The following ATP8A2 variants were observed in gnomAD, a reference collection of about 807,000 sequenced individuals.
The protein encoded by ATP8A2 is phospholipid-transporting ATPase IB.
Under a neutral mutation model 165.6 loss-of-function variants are expected in ATP8A2, and 100 were observed. The ratio of observed to expected loss-of-function variants is 0.60; its 90% CI spans 0.51 to 0.71. The LOEUF (loss-of-function observed/expected upper bound fraction) is 0.71, where lower values mean the gene tolerates loss of function less well. Among genes scored for constraint, ATP8A2 ranks in the 30% least tolerant of loss-of-function variants. The pLI is 0.00. For missense variants in ATP8A2, 1,227 were observed against 1,479.5 expected (o/e 0.83, Z 2.80); for synonymous variants, 543 against 548.8 (o/e 0.99, Z 0.15).
chr13:25,669,578 G>A (rs1328304362), intron 24 of ATP8A2, among the ~76,000 whole-genome samples: 1 of 152,114 alleles, frequency 6.6e-6, no homozygotes, highest in African/African-American at 2.4e-5. Context: ...GGCAGTCCTA[G>A]GCATGGATTT....
chr13:25,538,237 A>G (rs1224898574), intron 7 of ATP8A2, among the ~76,000 whole-genome samples, 176 bp downstream of exon 7: 2 of 151,930 alleles, frequency 1.3e-5, no homozygotes, highest in East Asian at 3.9e-4. Context: ...TCTTTCTCAC[A>G]TTCATTCCTT....
chr13:25,626,762 G>A (rs929690451), intron 24 of ATP8A2, among the ~76,000 whole-genome samples: 1 of 152,134 alleles, frequency 6.6e-6, no homozygotes, highest in African/African-American at 2.4e-5. Context: ...TAAAGAAAAA[G>A]AGGTTTAATG....
chr13:25,541,827 A>G, intron 8 of ATP8A2, 92 bp from the exon 9 acceptor site: 2 of 1,408,364 alleles, frequency 1.4e-6, no homozygotes, highest in East Asian at 2.3e-5. Flanking sequence ...GAGATGCCTT[A>G]TTTTTCCTTT....
At chr13:25,569,659 C>A (rs2039410803) in intron 16 of ATP8A2, among the ~76,000 whole-genome samples, 1 of 152,132 alleles carries the variant, frequency 6.6e-6, no homozygotes, top group Non-Finnish European at 1.5e-5. Context: ...GGGAAAACTT[C>A]TCATTTGTGG....
intron 27 of ATP8A2, among the ~76,000 whole-genome samples, chr13:25,791,373 G>A (rs2045167443): frequency 1.3e-5 from 2 of 152,246 alleles, no homozygotes; most frequent in South Asian, 4.2e-4. Context: ...ACACACTGGG[G>A]CCTATTGGAG....
intron 33 of ATP8A2, among the ~76,000 whole-genome samples, chr13:25,904,220 A>G (rs927293272): frequency 5.9e-5 from 9 of 152,172 alleles, no homozygotes; most frequent in Admixed American, 5.2e-4. Flanking sequence ...TGGATTCGTG[A>G]TGCTCAACCT....
intron 25 of ATP8A2, among the ~76,000 whole-genome samples, chr13:25,755,118 T>A (rs2044233574): frequency 6.6e-6 from 1 of 152,214 alleles, no homozygotes; most frequent in Admixed American, 6.5e-5. Flanking sequence ...GACAGTTGCA[T>A]GTATTCGTAT....
intron 25 of ATP8A2, among the ~76,000 whole-genome samples, chr13:25,730,996 C>T (rs1037835045): frequency 7.3e-5 from 11 of 151,636 alleles, no homozygotes; most frequent in African/African-American, 1.2e-4. Context: ...ATCACTTGAA[C>T]CTGGGTTGTT....
chr13:25,977,359 G>A (rs1284915641), intron 35 of ATP8A2, among the ~76,000 whole-genome samples: 4 of 152,158 alleles, frequency 2.6e-5, no homozygotes, highest in Admixed American at 6.5e-5. Context: ...TAAAGCTCTC[G>A]CCTTGCTGAC....
At chr13:25,817,822 C>A (rs1566169761) in intron 27 of ATP8A2, among the ~76,000 whole-genome samples, 1 of 152,078 alleles carries the variant, frequency 6.6e-6, no homozygotes, top group Non-Finnish European at 1.5e-5. Flanking sequence ...GGACTACAGG[C>A]ATGTGCCACC....
intron 1 of ATP8A2, among the ~76,000 whole-genome samples, chr13:25,400,721 A>C (rs1435449889): frequency 6.6e-6 from 1 of 152,200 alleles, no homozygotes; most frequent in African/African-American, 2.4e-5. Flanking sequence ...ATGAGGTCAC[A>C]CCAGTGAACA....
intron 2 of ATP8A2, among the ~76,000 whole-genome samples, chr13:25,487,704 A>G (rs1354328730): frequency 6.6e-6 from 1 of 152,248 alleles, no homozygotes; most frequent in Non-Finnish European, 1.5e-5. Context: ...AATGTGTTTC[A>G]GGAACAAACT....
intron 23 of ATP8A2, among the ~76,000 whole-genome samples, chr13:25,584,985 A>AAT (rs1487066111): frequency 2.0e-5 from 3 of 152,082 alleles, no homozygotes; most frequent in Non-Finnish European, 4.4e-5. Context: ...GGTTTTTTAA[A>AAT]ATATATATAT....
chr13:25,583,792 AC>A (rs1286016733), intron 23 of ATP8A2, among the ~76,000 whole-genome samples: 9 of 152,224 alleles, frequency 5.9e-5, no homozygotes, highest in African/African-American at 2.2e-4. Flanking sequence ...ACCTGTCCAA[AC>A]AATTTTTTAA....
chr13:25,799,901 C>G (rs895103711), intron 27 of ATP8A2, among the ~76,000 whole-genome samples: 2 of 152,218 alleles, frequency 1.3e-5, no homozygotes, highest in African/African-American at 4.8e-5. Flanking sequence ...ATAGAGCACT[C>G]AGATCTTCAG....
intron 24 of ATP8A2, among the ~76,000 whole-genome samples, chr13:25,594,200 C>G (rs959950417): frequency 3.9e-5 from 6 of 152,118 alleles, no homozygotes; most frequent in African/African-American, 1.4e-4. Flanking sequence ...ATGTAGTAAT[C>G]TAATCATTTA....
chr13:25,891,780 T>G (rs559131641), intron 33 of ATP8A2, among the ~76,000 whole-genome samples: 13 of 152,246 alleles, frequency 8.5e-5, no homozygotes, highest in African/African-American at 2.6e-4. Context: ...ACCAGGGATG[T>G]CCAAACTGTC....
At chr13:25,706,320 C>G (rs1172694352) in intron 25 of ATP8A2, among the ~76,000 whole-genome samples, 1 of 152,128 alleles carries the variant, frequency 6.6e-6, no homozygotes, top group East Asian at 1.9e-4. Context: ...TTCCCAACGT[C>G]AGGTCAGTCT....
At chr13:25,898,403 G>A (rs1440402371) in intron 33 of ATP8A2, among the ~76,000 whole-genome samples, 3 of 152,228 alleles carry the variant, frequency 2.0e-5, no homozygotes, top group Non-Finnish European at 4.4e-5. Flanking sequence ...TCTCAGAGGA[G>A]TACCCAGCCG....
Sources: gnomAD v4.1 joint callset for allele counts (sites outside exome capture counted in the v4.1 genomes callset) on GRCh38, gnomAD v4.1.1 for gene constraint, MANE v1.5 for transcripts, NCBI Gene and HGNC (gene_info 2026-07-23, HGNC 2026-07-21) for gene names.